Variants in PTPRG observed in about 807,000 individuals in gnomAD.
The protein encoded by PTPRG is protein tyrosine phosphatase receptor type G.
A neutral mutation model predicts 165.3 loss-of-function variants in PTPRG; 102 were observed. The ratio of observed to expected loss-of-function variants is 0.62; its 90% CI spans 0.53 to 0.73. The LOEUF is 0.73. Ranked by LOEUF, PTPRG falls within the 30% of genes least tolerant of loss-of-function variation. The pLI is 0.00. For synonymous variants in PTPRG, 675 were observed against 669.5 expected, an observed-to-expected ratio of 1.01 and a Z score of -0.13; for missense variants, 1,866 against 1,861.4, an observed-to-expected ratio of 1.00 and a Z score of -0.05.
At chr3:61,933,345 T>A (rs1056103228) in intron 2 of PTPRG, among the ~76,000 whole-genome samples, 2 of 152,224 alleles carry the variant, frequency 1.3e-5, no homozygotes, top group African/African-American at 4.8e-5. Flanking sequence ...TGCTCTCAAC[T>A]ATTAATTGTA....
chr3:62,040,356 T>C (rs919577543), intron 4 of PTPRG, among the ~76,000 whole-genome samples: 18 of 152,190 alleles, frequency 1.2e-4, no homozygotes, highest in African/African-American at 3.6e-4. Context: ...GTGCTGTGGG[T>C]AATGATGAAG....
intron 2 of PTPRG, among the ~76,000 whole-genome samples, chr3:61,897,533 C>T (rs1242499694): frequency 2.0e-5 from 3 of 152,064 alleles, no homozygotes; most frequent in South Asian, 2.1e-4. Context: ...TCTTCTCTCT[C>T]GATTGTTCTG....
At chr3:61,953,499 A>G (rs1367953902) in intron 2 of PTPRG, among the ~76,000 whole-genome samples, 2 of 152,214 alleles carry the variant, frequency 1.3e-5, no homozygotes, top group Admixed American at 1.3e-4. Context: ...CAGCACTTCT[A>G]AAGGTTACCT....
intron 1 of PTPRG, among the ~76,000 whole-genome samples, chr3:61,737,511 A>G (rs2032763479): frequency 6.6e-6 from 1 of 152,104 alleles, no homozygotes; most frequent in Non-Finnish European, 1.5e-5. Flanking sequence ...TGGAGTACAT[A>G]GTTTGCTGAC....
intron 1 of PTPRG, among the ~76,000 whole-genome samples, chr3:61,612,414 C>T (rs767921455): frequency 6.6e-5 from 10 of 152,196 alleles, no homozygotes; most frequent in South Asian, 4.1e-4. Context: ...TGACCTTTGC[C>T]TAAAGTGAGA....
chr3:62,109,672 C>G (rs986256011), intron 5 of PTPRG, among the ~76,000 whole-genome samples: 4 of 152,138 alleles, frequency 2.6e-5, no homozygotes, highest in African/African-American at 7.2e-5. Context: ...CCCTCCTGCT[C>G]TCTTTGTTGC....
At chr3:62,292,354 A>C in intron 28 of PTPRG, 67 bp from the exon 29 acceptor site, 3 of 1,485,388 alleles carry the variant, frequency 2.0e-6, no homozygotes, top group Non-Finnish European at 2.8e-6. Flanking sequence ...ACATGACAGT[A>C]ATTTCATTTC....
rs139933248 is a variant in PTPRG, at chr3:62,241,645, A to T, written c.2376-2162A>T. 1.4e-3 allele frequency among the ~76,000 whole-genome samples: 213 copies of T among 152,252 alleles called. 1 individual carries two copies. The highest frequency in any genetic ancestry group is 4.7e-3 in the African/African-American group (195 of 41,540). ...GTCTGCCTGTCTTGTAGGGAAAAAA[A>T]AATCTACAATATAGTATATATATAT... On this transcript the variant is annotated intron_variant, in intron 14 of 29. Transcript: ENST00000474889.
At chr3:62,141,635 C>A (rs1356042321) in intron 6 of PTPRG, among the ~76,000 whole-genome samples, 1 of 151,528 alleles carries the variant, frequency 6.6e-6, no homozygotes, top group Admixed American at 6.6e-5. Flanking sequence ...CGCAGTGGCT[C>A]ACGCCTGTAA....
intron 2 of PTPRG, among the ~76,000 whole-genome samples, chr3:61,978,270 G>T (rs13322006): frequency 6.6e-6 from 1 of 152,154 alleles, no homozygotes; most frequent in African/African-American, 2.4e-5. Flanking sequence ...TTTTACCGTA[G>T]TTCCTCCAAA....
chr3:62,292,081 G>A (rs1047968136), intron 28 of PTPRG, among the ~76,000 whole-genome samples: 3 of 152,110 alleles, frequency 2.0e-5, no homozygotes, highest in East Asian at 1.9e-4. Flanking sequence ...CTAGTTAAGA[G>A]GTTCTCTTTA....
At chr3:62,208,474 G>A (rs1022438489) in intron 12 of PTPRG, among the ~76,000 whole-genome samples, 1 of 152,168 alleles carries the variant, frequency 6.6e-6, no homozygotes, top group Admixed American at 6.5e-5. Flanking sequence ...CAGAAACTCA[G>A]TATGTGAACA....
chr3:61,651,167 C>A (rs1452006561), intron 1 of PTPRG, among the ~76,000 whole-genome samples: 1 of 149,242 alleles, frequency 6.7e-6, no homozygotes, highest in East Asian at 2.0e-4. Context: ...AACATAATTT[C>A]TATATACTAC....
chr3:61,761,527 G>A (rs573521019), intron 2 of PTPRG, among the ~76,000 whole-genome samples: 3 of 152,296 alleles, frequency 2.0e-5, no homozygotes, highest in Admixed American at 2.0e-4. Context: ...GCAGTGAGCT[G>A]AGATTGTGCC....
intron 23 of PTPRG, among the ~76,000 whole-genome samples, chr3:62,274,086 T>G (rs931997059): frequency 6.6e-6 from 1 of 152,166 alleles, no homozygotes; most frequent in Non-Finnish European, 1.5e-5. Context: ...TTTATCTGAA[T>G]ATAAACATCA....
intron 2 of PTPRG, among the ~76,000 whole-genome samples, chr3:61,820,654 T>G (rs1402044076): frequency 7.0e-6 from 1 of 142,190 alleles, no homozygotes; most frequent in Non-Finnish European, 1.5e-5. Flanking sequence ...GATAAAACAG[T>G]AATTTTGGTG....
intron 4 of PTPRG, among the ~76,000 whole-genome samples, chr3:62,075,999 G>A (rs918020991): frequency 3.9e-5 from 6 of 152,178 alleles, no homozygotes; most frequent in African/African-American, 7.2e-5. Context: ...ATGATGACCA[G>A]GCGCAGTGGT....
intron 26 of PTPRG, among the ~76,000 whole-genome samples, 179 bp from the exon 27 acceptor site, chr3:62,281,384 T>C (rs1465618698): frequency 6.6e-6 from 1 of 151,884 alleles, no homozygotes; most frequent in Non-Finnish European, 1.5e-5. Context: ...AAATATATTT[T>C]ACAATAGAAT....
At chr3:61,619,833 A>G (rs76517533) in intron 1 of PTPRG, among the ~76,000 whole-genome samples, 1,858 of 152,276 alleles carry the variant, frequency 0.012, 38 homozygotes, top group African/African-American at 0.043. Context: ...CTTTGGGGAA[A>G]TGGACTGTTT....
Sources: allele counts gnomAD v4.1 joint callset (sites outside exome capture counted in the v4.1 genomes callset), GRCh38; gene constraint gnomAD v4.1.1; transcripts MANE v1.5; gene names NCBI Gene and HGNC (gene_info 2026-07-23, HGNC 2026-07-21).